The following RTTN variants were observed in gnomAD, a reference collection of about 807,000 sequenced individuals.
The protein encoded by RTTN is rotatin.
Under a neutral mutation model 269.2 loss-of-function variants are expected in RTTN, and 182 were observed. The observed-to-expected ratio is 0.68, with a 90% CI of 0.60 to 0.76. The LOEUF (loss-of-function observed/expected upper bound fraction) is 0.76, where lower values mean the gene tolerates loss of function less well. RTTN is among the 30% of genes least tolerant of loss of function. RTTN has a pLI of 0.00. For missense variants in RTTN, 2,545 were observed against 2,608.6 expected (o/e 0.98, Z 0.53); for synonymous variants, 1,006 against 963.5 (o/e 1.04, Z -0.82).
At chr18:70,116,515 T>G (rs2145512186) in intron 26 of RTTN, among the ~76,000 whole-genome samples, 1 of 152,186 alleles carries the variant, frequency 6.6e-6, no homozygotes, top group Non-Finnish European at 1.5e-5. Flanking sequence ...GAATTACCAT[T>G]TCTCAAGTAC....
intron 21 of RTTN, among the ~76,000 whole-genome samples, chr18:70,136,172 A>T (rs2060119154): frequency 6.6e-6 from 1 of 152,202 alleles, no homozygotes; most frequent in African/African-American, 2.4e-5. Flanking sequence ...ATAATAAAAG[A>T]CATTTCACAT....
chr18:70,016,319 G>T (rs2056536159), intron 46 of RTTN, among the ~76,000 whole-genome samples: 1 of 152,162 alleles, frequency 6.6e-6, no homozygotes, highest in African/African-American at 2.4e-5. Context: ...ACAAGAGAAT[G>T]AATCTATCTT....
Position 70,145,753 on chromosome 18 carries a change from T to A in RTTN, c.2340A>T (p.Ala780=). Residue 780 remains alanine, a synonymous_variant, in exon 18 of 49, where the codon GCA becomes GCT. Transcript: ENST00000640769. ...SVRSLALKLL[A]FHLTSEEGAD... is the part of the protein sequence containing the mutation. Reference sequence around the variant, plus strand: ...CCCCTTCTTCACTGGTAAGATGGAATGCTAAAAGCTTTAATGCTAGCGAAC... The same window carrying A: ...CCCCTTCTTCACTGGTAAGATGGAAAGCTAAAAGCTTTAATGCTAGCGAAC... 1 of 1,612,224 alleles carries A rather than the reference T, an allele frequency of 6.2e-7. No individual in the cohort carries two copies. The highest frequency in any genetic ancestry group is 1.7e-4 in the Middle Eastern group (1 of 6,052).
chr18:70,125,187 T>C (rs1303842301), intron 25 of RTTN, among the ~76,000 whole-genome samples: 1 of 152,096 alleles, frequency 6.6e-6, no homozygotes, highest in Non-Finnish European at 1.5e-5. Flanking sequence ...ATGTTTTTTG[T>C]CAAACTGAAA....
At chr18:70,094,802 G>A (rs192371891) in intron 28 of RTTN, among the ~76,000 whole-genome samples, 32 of 151,950 alleles carry the variant, frequency 2.1e-4, no homozygotes, top group Non-Finnish European at 4.0e-4. Context: ...TATTAGGTCC[G>A]CTTGGTCCAG....
Position 70,093,626 on chromosome 18 carries a change from C to T in RTTN, c.3904-822G>A, listed in dbSNP as rs565338454. Among the ~76,000 whole-genome samples the T allele has an allele frequency of 5.0e-4, 76 of 152,286 alleles. No individual in the cohort carries two copies. The South Asian group carries it at 0.013, about 27-fold the overall frequency. Reference sequence around the variant, plus strand: ...CATTTATTGATTTGCATATGTTGAACGGGCCTTGCATCCCAGGGATGAAGC... The same window carrying T: ...CATTTATTGATTTGCATATGTTGAATGGGCCTTGCATCCCAGGGATGAAGC... On this transcript the variant is annotated intron_variant, in intron 28 of 48. Transcript: ENST00000640769.
Position 70,205,680 on chromosome 18 carries a change from C to G in RTTN, c.-22G>C, listed in dbSNP as rs750239900. ...CCATCTCGTCCCGTCAATCTGCAGC[C>G]GCCGGAGAATTAAACTGCCGCGCCA... On this transcript the variant is annotated 5_prime_UTR_variant, in exon 1 of 49. Transcript: ENST00000640769. 6.2e-7 allele frequency: 1 copy of G among 1,614,048 alleles called. No homozygotes were observed. Among genetic ancestry groups the G allele is most frequent in the South Asian group, 1.1e-5 (1 of 91,080 alleles).
At chr18:70,077,705 A>G (rs1392837964) in intron 32 of RTTN, among the ~76,000 whole-genome samples, 3 of 151,900 alleles carry the variant, frequency 2.0e-5, no homozygotes, top group Non-Finnish European at 4.4e-5. Context: ...TAGAAAATAT[A>G]GGTAAGAAAG....
In RTTN at chr18:70,006,382, T is replaced by C; in HGVS notation, c.6524A>G (p.Lys2175Arg). ...ALWALIYNYQ[K>R]AKTALKSPSV... ...GTAACAATGATTTTTAAAACTGACC[T>C]TCTGATAATTGTAAATCAGAGCCCA... Residue 2175 changes from lysine (K) to arginine (R), a missense_variant and splice_region_variant, in exon 47 of 49, where the codon AAG becomes AGG. Lys to Arg is a conservative substitution (Grantham distance 26). Transcript: ENST00000640769. The C allele has an allele frequency of 6.2e-7, 1 of 1,610,268 alleles. No individual in the cohort carries two copies. Among genetic ancestry groups the C allele is most frequent in the Non-Finnish European group, 8.5e-7 (1 of 1,176,452 alleles).
chr18:70,140,430 A>G (rs1052842640), intron 19 of RTTN, among the ~76,000 whole-genome samples: 23 of 152,164 alleles, frequency 1.5e-4, no homozygotes, highest in African/African-American at 5.5e-4. Context: ...ACTATAAAAA[A>G]AGAATTATGG....
At chr18:70,015,388 C>T (rs1308828398) in intron 46 of RTTN, among the ~76,000 whole-genome samples, 1 of 152,066 alleles carries the variant, frequency 6.6e-6, no homozygotes, top group Non-Finnish European at 1.5e-5. Flanking sequence ...CCAGCAAGGT[C>T]AAGCTCCACT....
At chr18:70,085,490 T>C (rs2058678233) in intron 32 of RTTN, among the ~76,000 whole-genome samples, 1 of 152,178 alleles carries the variant, frequency 6.6e-6, no homozygotes, top group South Asian at 2.1e-4. Flanking sequence ...TCTAAGAGTA[T>C]AGTCTAATTA....
intron 34 of RTTN, among the ~76,000 whole-genome samples, chr18:70,067,360 T>C (rs1175084604): frequency 1.3e-5 from 2 of 152,104 alleles, no homozygotes; most frequent in Non-Finnish European, 2.9e-5. Context: ...AGGGTTTCAC[T>C]GTGTTAGCCA....
rs186759826 is a variant in RTTN at position 70,093,869 on chromosome 18, G to A, written c.3904-1065C>T. Among the ~76,000 whole-genome samples, 4 of 152,294 alleles carry A rather than the reference G, an allele frequency of 2.6e-5. No individual in the cohort carries two copies. In the East Asian group the frequency reaches 7.7e-4, roughly 29 times the overall value. ...TCTATCATTTGGAATAGTTTCAGAA[G>A]GAATGGTACCAGATCCTCTTTGTAC... is the stretch of plus-strand genomic sequence containing the variant. On this transcript the variant is annotated intron_variant, in intron 28 of 48. Coordinates refer to ENST00000640769, the MANE Select transcript of RTTN (RefSeq NM_173630.4).
intron 2 of RTTN, 89 bp downstream of exon 2, chr18:70,205,039 A>G: frequency 7.4e-7 from 1 of 1,346,438 alleles, no homozygotes; most frequent in Non-Finnish European, 1.0e-6. Flanking sequence ...TTTAACCCCA[A>G]TTATTTAACT....
intron 35 of RTTN, among the ~76,000 whole-genome samples, chr18:70,063,003 CCTT>C (rs1158986296): frequency 1.3e-5 from 2 of 152,052 alleles, no homozygotes; most frequent in Non-Finnish European, 1.5e-5. Flanking sequence ...CAAAAACTAT[CCTT>C]CTACTTACAG....
chr18:70,191,802 G>A (rs1268850326), intron 8 of RTTN, among the ~76,000 whole-genome samples: 2 of 152,090 alleles, frequency 1.3e-5, no homozygotes, highest in Non-Finnish European at 2.9e-5. Flanking sequence ...AAGATACCAA[G>A]CACCCCAAAA....
chr18:70,159,806 C>T (rs1418869424), intron 14 of RTTN, among the ~76,000 whole-genome samples: 1 of 151,902 alleles, frequency 6.6e-6, no homozygotes, highest in African/African-American at 2.4e-5. Context: ...CTATGCATAC[C>T]AAATAGAAAG....
intron 17 of RTTN, among the ~76,000 whole-genome samples, chr18:70,146,693 T>C (rs1028188846): frequency 8.5e-5 from 13 of 152,280 alleles, no homozygotes; most frequent in African/African-American, 3.1e-4. Context: ...AAAGAATAAT[T>C]GATAATAAGA....
Sources: allele counts gnomAD v4.1 joint callset (sites outside exome capture counted in the v4.1 genomes callset), GRCh38; gene constraint gnomAD v4.1.1; transcripts MANE v1.5; gene names NCBI Gene and HGNC (gene_info 2026-07-23, HGNC 2026-07-21).